ZNF609: variants seen among roughly 807,000 people sequenced by gnomAD.
ZNF609 encodes zinc finger protein 609.
A neutral mutation model predicts 109.5 loss-of-function variants in ZNF609; 11 were observed. The ratio of observed to expected loss-of-function variants is 0.10; its 90% CI spans 0.06 to 0.17. The LOEUF (loss-of-function observed/expected upper bound fraction) is 0.17, where lower values mean the gene tolerates loss of function less well. Ranked by LOEUF, ZNF609 falls within the 10% of genes least tolerant of loss-of-function variation. ZNF609 has a pLI of 1.00. For synonymous variants in ZNF609, 646 were observed against 662.0 expected, an observed-to-expected ratio of 0.98 and a Z score of 0.37; for missense variants, 1,559 against 1,772.4, an observed-to-expected ratio of 0.88 and a Z score of 2.16.
chr15:64,609,128 CTTTTTT>C (rs72081834), intron 2 of ZNF609, among the ~76,000 whole-genome samples: 1 of 101,024 alleles, frequency 9.9e-6, no homozygotes, highest in Non-Finnish European at 2.1e-5. Flanking sequence ...TTCTTTCTTT[CTTTTTT>C]TCTTTCTTTT....
chr15:64,534,160 C>T (rs1446124651), intron 2 of ZNF609, among the ~76,000 whole-genome samples: 2 of 151,504 alleles, frequency 1.3e-5, no homozygotes, highest in East Asian at 1.9e-4. Flanking sequence ...TACAGGCATG[C>T]ACTGCCACAC....
intron 2 of ZNF609, among the ~76,000 whole-genome samples, chr15:64,616,224 G>A (rs1402787984): frequency 1.3e-5 from 2 of 151,836 alleles, no homozygotes; most frequent in Non-Finnish European, 2.9e-5. Flanking sequence ...GAACTCCTCA[G>A]CTCAAGCAAT....
At chr15:64,485,600 C>A (rs1893320561) in intron 1 of ZNF609, among the ~76,000 whole-genome samples, 1 of 152,048 alleles carries the variant, frequency 6.6e-6, no homozygotes, top group Non-Finnish European at 1.5e-5. Context: ...CCCAAAAGTT[C>A]AAGACCAGCC....
intron 1 of ZNF609, among the ~76,000 whole-genome samples, chr15:64,464,757 C>T (rs1892987861): frequency 6.6e-6 from 1 of 152,152 alleles, no homozygotes; most frequent in Non-Finnish European, 1.5e-5. Flanking sequence ...ACTCTTTTCG[C>T]TAGGGAACAG....
At chr15:64,494,532 A>G (rs1434055375) in intron 1 of ZNF609, among the ~76,000 whole-genome samples, 1 of 151,850 alleles carries the variant, frequency 6.6e-6, no homozygotes, top group Non-Finnish European at 1.5e-5. Flanking sequence ...ACATATATAT[A>G]TGTTTTTGTT....
chr15:64,577,362 T>A (rs540229036), intron 2 of ZNF609, among the ~76,000 whole-genome samples: 3 of 19,936 alleles, frequency 1.5e-4, no homozygotes, highest in African/African-American at 2.4e-4. Context: ...TATACACATA[T>A]ATGTATATAT....
rs1193061999 is a variant in ZNF609 at position 64,675,230 on chromosome 15, C to T, written c.2376C>T (p.Ala792=). ...QSRLASIKAE[A]DKIYSFTDNA... is the part of the protein sequence containing the mutation. ...GACTGGCTAGCATCAAGGCTGAAGCCGACAAGATCTACAGTTTCACGGACA... is the reference window on the plus strand; with the variant it reads ...GACTGGCTAGCATCAAGGCTGAAGCTGACAAGATCTACAGTTTCACGGACA... The change falls in exon 5 of 10, where the codon GCC becomes GCT. Residue 792 remains alanine, a synonymous_variant. Coordinates refer to ENST00000326648, the MANE Select transcript of ZNF609 (RefSeq NM_015042.2). The T allele has an allele frequency of 1.5e-5, 25 of 1,613,868 alleles. No homozygotes were observed. Among genetic ancestry groups the T allele is most frequent in the African/African-American group, 4.0e-5 (3 of 74,912 alleles).
At chr15:64,485,632 G>A (rs1893321522) in intron 1 of ZNF609, among the ~76,000 whole-genome samples, 2 of 151,804 alleles carry the variant, frequency 1.3e-5, no homozygotes, top group African/African-American at 2.4e-5. Flanking sequence ...GTGAGACCCT[G>A]TCTACAAAAT....
Position 64,590,231 on chromosome 15 carries a change from G to A in ZNF609, c.748-32596G>A, listed in dbSNP as rs192941658. On this transcript the variant is annotated intron_variant, in intron 2 of 9. Transcript: ENST00000326648. ...TGCTCAGTATTGAAGTTTTTGGGTCGGAACTATTTTAATATTATCTATGAA... is the reference window on the plus strand; with the variant it reads ...TGCTCAGTATTGAAGTTTTTGGGTCAGAACTATTTTAATATTATCTATGAA... Among the ~76,000 whole-genome samples the A allele has an allele frequency of 1.8e-4, 27 of 152,056 alleles. No homozygotes were observed. In the East Asian group the frequency reaches 1.9e-3, roughly 11 times the overall value.
In ZNF609 at chr15:64,655,747, T is replaced by G. The variant is rs1896479862; in HGVS notation, c.974-14599T>G. On this transcript the variant is annotated intron_variant, in intron 3 of 9. Coordinates refer to ENST00000326648, the MANE Select transcript of ZNF609 (RefSeq NM_015042.2). The stretch of plus-strand genomic sequence containing the variant: ...TGGGAGGCTAAGGCAGGAGAATTGT[T>G]TGAACCCAGGGGACGGGGTTGCAGT... Among the ~76,000 whole-genome samples the G allele has an allele frequency of 2.6e-5, 4 of 152,122 alleles. No individual in the cohort carries two copies. The South Asian group carries it at 8.3e-4, about 32-fold the overall frequency.
At chr15:64,513,746 T>C (rs751808728) in intron 2 of ZNF609, among the ~76,000 whole-genome samples, 3 of 152,158 alleles carry the variant, frequency 2.0e-5, no homozygotes, top group Non-Finnish European at 4.4e-5. Context: ...ACCCTAAGCC[T>C]AGTAAAATGC....
chr15:64,533,605 T>G (rs1894094288), intron 2 of ZNF609, among the ~76,000 whole-genome samples: 1 of 152,244 alleles, frequency 6.6e-6, no homozygotes, highest in African/African-American at 2.4e-5. Flanking sequence ...ATCCCCCTCC[T>G]TGTGGGTTTA....
chr15:64,645,435 A>AT (rs550464934), intron 3 of ZNF609, among the ~76,000 whole-genome samples: 50 of 147,044 alleles, frequency 3.4e-4, no homozygotes, highest in East Asian at 5.9e-4. Context: ...TTTTCCTCTG[A>AT]TTTTTTTTTT....
At chr15:64,666,224 T>C (rs1479108628) in intron 3 of ZNF609, among the ~76,000 whole-genome samples, 2 of 151,636 alleles carry the variant, frequency 1.3e-5, no homozygotes, top group Non-Finnish European at 2.9e-5. Context: ...TATAACCCTG[T>C]CTTTACTAAA....
chr15:64,613,372 G>A (rs1412266169), intron 2 of ZNF609, among the ~76,000 whole-genome samples: 2 of 152,108 alleles, frequency 1.3e-5, no homozygotes, highest in Non-Finnish European at 1.5e-5. Context: ...ATAGTTAAAT[G>A]TTGTGTTGTT....
intron 2 of ZNF609, among the ~76,000 whole-genome samples, chr15:64,591,747 AG>A (rs1895301822): frequency 6.7e-6 from 1 of 150,334 alleles, no homozygotes; most frequent in African/African-American, 2.4e-5. Flanking sequence ...TTTGAGACAG[AG>A]TCTTGGTCTG....
At chr15:64,483,553 C>T (rs1353294518) in intron 1 of ZNF609, among the ~76,000 whole-genome samples, 1 of 152,078 alleles carries the variant, frequency 6.6e-6, no homozygotes, top group African/African-American at 2.4e-5. Context: ...CGCCTGGCTA[C>T]ATTTCTTATT....
At chr15:64,638,015 T>TATATATATAA (rs1264442722) in intron 3 of ZNF609, among the ~76,000 whole-genome samples, 5 of 139,192 alleles carry the variant, frequency 3.6e-5, no homozygotes, top group African/African-American at 1.3e-4. Flanking sequence ...TATATATATA[T>TATATATATAA]AAAATATATA....
At chr15:64,633,579 C>G (rs1490206642) in intron 3 of ZNF609, among the ~76,000 whole-genome samples, 1 of 152,144 alleles carries the variant, frequency 6.6e-6, no homozygotes, top group Admixed American at 6.5e-5. Flanking sequence ...TGGGCCTGGA[C>G]CCATAAATAA....
Sources: allele counts gnomAD v4.1 joint callset (sites outside exome capture counted in the v4.1 genomes callset), GRCh38; gene constraint gnomAD v4.1.1; transcripts MANE v1.5; gene names NCBI Gene and HGNC (gene_info 2026-07-23, HGNC 2026-07-21).